TRIM25: variants seen among roughly 807,000 people sequenced by gnomAD.
The protein encoded by TRIM25 is E3 ubiquitin/ISG15 ligase TRIM25.
Under a neutral mutation model 65.2 loss-of-function variants are expected in TRIM25, and 45 were observed. That is an observed-to-expected ratio of 0.69 (90% CI 0.54 to 0.89). TRIM25 has a LOEUF of 0.89. Among genes scored for constraint, TRIM25 ranks in the 40% least tolerant of loss-of-function variants. The probability of loss-of-function intolerance (pLI) is 0.00; values close to 1 mark genes in which losing one functional copy is unlikely to be tolerated. For missense variants in TRIM25, 714 were observed against 803.7 expected, an observed-to-expected ratio of 0.89 and a Z score of 1.35; for synonymous variants, 321 against 340.4, an observed-to-expected ratio of 0.94 and a Z score of 0.63.
intron 3 of TRIM25, among the ~76,000 whole-genome samples, chr17:56,903,411 T>C (rs1909452598): frequency 6.6e-6 from 1 of 151,912 alleles, no homozygotes; most frequent in Non-Finnish European, 1.5e-5. Context: ...AATAAATACA[T>C]AAAATAAATA....
intron 4 of TRIM25, among the ~76,000 whole-genome samples, chr17:56,900,269 C>T (rs1165221848): frequency 5.3e-5 from 8 of 151,972 alleles, no homozygotes; most frequent in Non-Finnish European, 1.2e-4. Flanking sequence ...TATCTATAGT[C>T]CTAGCTAGTC....
chr17:56,909,042 C>T (rs987977389), intron 1 of TRIM25, among the ~76,000 whole-genome samples: 2 of 152,100 alleles, frequency 1.3e-5, no homozygotes, highest in Admixed American at 6.6e-5. Context: ...GCCAAGCTCA[C>T]ACAGGAACAG....
At chr17:56,904,151 G>A (rs1014304828) in intron 3 of TRIM25, 104 bp downstream of exon 3, 50 of 956,344 alleles carry the variant, frequency 5.2e-5, no homozygotes, top group Non-Finnish European at 7.5e-5. Context: ...GATGCTTCCA[G>A]TGACCTCTTC....
At chr17:56,904,693 A>G (rs1239135896) in intron 2 of TRIM25, among the ~76,000 whole-genome samples, 1 of 152,196 alleles carries the variant, frequency 6.6e-6, no homozygotes, top group African/African-American at 2.4e-5. Flanking sequence ...TCCTAGGAAT[A>G]TGTGCTACAA....
chr17:56,908,535 A>C lies in TRIM25; in HGVS notation c.626T>G (p.Met209Arg), dbSNP rs759699144. ...CGACGCCCCGTTGATCTGACTGTAC[A>C]TGACAGTTAGTTTGTGCCTCAGGGT... Reference protein sequence around the residue: ...EATLRHKLTVMYSQINGASRA... With the variant: ...EATLRHKLTVRYSQINGASRA... Residue 209 changes from methionine to arginine, a missense_variant, in exon 2 of 9, where the codon ATG becomes AGG. Physicochemically the swap from Met to Arg is moderately conservative, Grantham distance 91. Transcript: ENST00000316881. The C allele has an allele frequency of 3.1e-6, 5 of 1,614,022 alleles. No homozygotes were observed. The highest frequency in any genetic ancestry group is 4.2e-6 in the Non-Finnish European group (5 of 1,180,024).
At position 56,892,206 on chromosome 17, in the gene TRIM25, A is replaced by G. The variant is rs144524626; in HGVS notation, c.1387T>C (p.Tyr463His). The change falls in exon 9 of 9, where the codon TAC (tyrosine) becomes CAC (histidine). Residue 463 changes from tyrosine to histidine, a missense_variant. By Grantham distance (83) the Tyr-to-His change is moderately conservative. Around this residue, in one of 3 missense-constraint regions of TRIM25, gnomAD observed 413 missense variants for 498.2 expected, o/e 0.83. Transcript: ENST00000316881. ...GCCACTTTGTTGTGGGCGGTGTTGTAGTCCAGGATGACTTTAATGTAATCT... is the reference window on the plus strand; with the variant it reads ...GCCACTTTGTTGTGGGCGGTGTTGTGGTCCAGGATGACTTTAATGTAATCT... The part of the protein sequence containing the change: ...LEYYIKVILD[Y>H]NTAHNKVALS... The G allele has an allele frequency of 1.1e-5, 17 of 1,602,670 alleles. No homozygotes were observed. In the African/African-American group the frequency reaches 2.1e-4, roughly 20 times the overall value.
intron 3 of TRIM25, among the ~76,000 whole-genome samples, chr17:56,901,889 G>T (rs1909419565): frequency 6.6e-6 from 1 of 152,126 alleles, no homozygotes; most frequent in South Asian, 2.1e-4. Context: ...CCAGGACAAT[G>T]TTCTTTCCAC....
chr17:56,899,168 T>C lies in TRIM25; in HGVS notation c.1100A>G (p.Glu367Gly), dbSNP rs376022556. ...TTTGTGTGTGGACGCTGGGTCATGC[T>C]CTCCAGGGTCACCTGTGTCAGAGAA... is the stretch of plus-strand genomic sequence containing the variant. ...EPTPSSGDPG[E>G]HDPASTHKST... is the part of the protein sequence containing the mutation. Residue 367 changes from glutamate to glycine, a missense_variant, in exon 5 of 9, where the codon GAG becomes GGG. Coordinates refer to ENST00000316881, the MANE Select transcript of TRIM25 (RefSeq NM_005082.5). 2.4e-5 allele frequency: 38 copies of C among 1,613,846 alleles called. No individual in the cohort carries two copies. Among genetic ancestry groups the C allele is most frequent in the Non-Finnish European group, 3.0e-5 (35 of 1,179,968 alleles).
At chr17:56,894,472 A>G (rs914498405) in intron 8 of TRIM25, among the ~76,000 whole-genome samples, 2 of 151,390 alleles carry the variant, frequency 1.3e-5, no homozygotes, top group African/African-American at 4.9e-5. Context: ...CTGGTCTTGA[A>G]CTCCTGACCT....
intron 1 of TRIM25, chr17:56,912,085 T>C (rs1909642029): frequency 6.6e-6 from 1 of 152,288 alleles, no homozygotes; most frequent in African/African-American, 2.4e-5. Context: ...CAAAGCTGGA[T>C]GCAGACCCCC....
At chr17:56,892,579 A>G (rs541722021) in intron 8 of TRIM25, among the ~76,000 whole-genome samples, 2 of 152,202 alleles carry the variant, frequency 1.3e-5, no homozygotes, top group South Asian at 2.1e-4. Context: ...TCATTAATCT[A>G]TCCACTTATC....
In TRIM25 at chr17:56,901,484, G is replaced by A. The variant is rs1484764879; in HGVS notation, c.1022C>T (p.Thr341Ile). 12 of 1,614,070 alleles carry A rather than the reference G, an allele frequency of 7.4e-6. No homozygotes were observed. The African/African-American group carries it at 1.6e-4, about 22-fold the overall frequency. The change falls in exon 4 of 9, where the codon ACC (threonine) becomes ATC (isoleucine). Residue 341 changes from threonine to isoleucine, a missense_variant. Transcript: ENST00000316881. ...HKLIKGIHQS[T>I]IDLKNELKQC... is the part of the protein sequence containing the mutation. Reference sequence around the variant, plus strand: ...CTTCAGCTCGTTTTTGAGGTCTATGGTGCTCTGGTGGATGCCTTTTATCAG... The same window carrying A: ...CTTCAGCTCGTTTTTGAGGTCTATGATGCTCTGGTGGATGCCTTTTATCAG...
chr17:56,891,567 C>CCCCCCCCCCA lies in TRIM25; in HGVS notation c.*132_*133insTGGGGGGGGG. 1 of 811,836 alleles carries CCCCCCCCCCA rather than the reference C, an allele frequency of 1.2e-6. No homozygotes were observed. Among genetic ancestry groups the CCCCCCCCCCA allele is most frequent in the Non-Finnish European group, 1.9e-6 (1 of 539,152 alleles). 50.3% of individuals were successfully genotyped at this position (811,836 alleles called of 1,614,324 possible). A position where few individuals can be genotyped will look rare whatever the true frequency, so the allele number is the denominator to read the frequency against. On this transcript the variant is annotated 3_prime_UTR_variant, in exon 9 of 9. Transcript: ENST00000316881. ...TGGCTAAATCCCACCTCCCACCCTC[C>CCCCCCCCCCA]CGCCAGCTCCCCTCCCATGCTCCCA...
At position 56,895,418 on chromosome 17, in the gene TRIM25, G is replaced by A. The variant is rs1369305438; in HGVS notation, c.1288C>T (p.His430Tyr). 6.2e-7 allele frequency: 1 copy of A among 1,614,216 alleles called. No individual in the cohort carries two copies. The highest frequency in any genetic ancestry group is 8.5e-7 in the Non-Finnish European group (1 of 1,180,036). Residue 430 changes from histidine (H) to tyrosine (Y), a missense_variant, in exon 8 of 9, where the codon CAT (histidine) becomes TAT (tyrosine). Coordinates refer to ENST00000316881, the MANE Select transcript of TRIM25 (RefSeq NM_005082.5). The stretch of plus-strand genomic sequence containing the variant: ...GCCTTGAGAGATGTTGAGTTCGGAT[G>A]TGAGCTGGTGGCTTTGGCTGCAGCT... The part of the protein sequence containing the change: ...LEAAAKATSS[H>Y]PNSTSLKAKV...
rs566993589 is a variant in TRIM25, at chr17:56,893,967, G to A, written c.1363+1376C>T. Among the ~76,000 whole-genome samples the A allele has an allele frequency of 2.0e-4, 31 of 152,198 alleles. No individual in the cohort carries two copies. The South Asian group carries it at 5.8e-3, about 28-fold the overall frequency. ...GGATTAGACTTCAGGCTCCCACCTC[G>A]GCCCCACATTGCAACCCTGGGCAGC... On this transcript the variant is annotated intron_variant, in intron 8 of 8. Coordinates refer to ENST00000316881, the MANE Select transcript of TRIM25 (RefSeq NM_005082.5).
chr17:56,889,934 T>A lies in TRIM25; in HGVS notation c.*1766A>T, dbSNP rs916221813. 1.0e-5 allele frequency: 4 copies of A among 398,630 alleles called. No homozygotes were observed. Among genetic ancestry groups the A allele is most frequent in the Non-Finnish European group, 1.8e-5 (4 of 226,376 alleles). The allele number at this position is 398,630 out of a possible 1,614,324, so 24.7% of individuals were successfully genotyped here. A position where few individuals can be genotyped will look rare whatever the true frequency, so the allele number is the denominator to read the frequency against. Reference sequence around the variant, plus strand: ...AGGGATGTCTTTCCTACAAAGATTATTGCTCTCCCGAGGAACTGAAAATCC... The same window carrying A: ...AGGGATGTCTTTCCTACAAAGATTAATGCTCTCCCGAGGAACTGAAAATCC... On this transcript the variant is annotated 3_prime_UTR_variant, in exon 9 of 9. Coordinates refer to ENST00000316881, the MANE Select transcript of TRIM25 (RefSeq NM_005082.5).
At position 56,908,464 on chromosome 17, in the gene TRIM25, T is replaced by G. The variant is rs752837684; in HGVS notation, c.693+4A>C. On this transcript the variant is annotated splice_donor_region_variant and intron_variant, in intron 2 of 8. Coordinates refer to ENST00000316881, the MANE Select transcript of TRIM25 (RefSeq NM_005082.5). ...GGCTGGCCTTGGAGAGCCCTGCCACTCACCCGCACATCCTGCTGCCTGTTT... is the reference window on the plus strand; with the variant it reads ...GGCTGGCCTTGGAGAGCCCTGCCACGCACCCGCACATCCTGCTGCCTGTTT... 24 of 1,613,538 alleles carry G rather than the reference T, an allele frequency of 1.5e-5. No homozygotes were observed. The highest frequency in any genetic ancestry group is 1.9e-5 in the Non-Finnish European group (22 of 1,180,036).
intron 3 of TRIM25, among the ~76,000 whole-genome samples, chr17:56,903,043 A>G (rs1416025472): frequency 1.3e-5 from 2 of 152,188 alleles, no homozygotes; most frequent in Non-Finnish European, 2.9e-5. Context: ...AGCCAAACAG[A>G]TGCTGGTGCC....
intron 8 of TRIM25, among the ~76,000 whole-genome samples, chr17:56,893,980 A>G (rs1192832987): frequency 6.6e-6 from 1 of 152,214 alleles, no homozygotes; most frequent in Non-Finnish European, 1.5e-5. Flanking sequence ...CCCACATTGC[A>G]ACCCTGGGCA....
Sources: gnomAD v4.1 joint callset for allele counts (sites outside exome capture counted in the v4.1 genomes callset) on GRCh38, gnomAD v4.1.1 for gene constraint, gnomAD v4.1.1 regional missense constraint, MANE v1.5 for transcripts, NCBI Gene and HGNC (gene_info 2026-07-23, HGNC 2026-07-21) for gene names.